MACROD2: variants seen among roughly 807,000 people sequenced by gnomAD.
MACROD2 encodes the protein mono-ADP ribosylhydrolase 2, also known as ADP-ribose glycohydrolase MACROD2.
Under a neutral mutation model 70.4 loss-of-function variants are expected in MACROD2, and 36 were observed. The ratio of observed to expected loss-of-function variants is 0.51; its 90% confidence interval spans 0.39 to 0.68. The LOEUF (loss-of-function observed/expected upper bound fraction) is 0.68, where lower values mean the gene tolerates loss of function less well. MACROD2 is among the 30% of genes least tolerant of loss of function. The pLI, the probability that MACROD2 is intolerant of heterozygous loss-of-function variation, is 0.00. For synonymous variants in MACROD2, 172 were observed against 178.8 expected, an observed-to-expected ratio of 0.96 and a Z score of 0.30; for missense variants, 496 against 538.4, an observed-to-expected ratio of 0.92 and a Z score of 0.78.
intron 5 of MACROD2, among the ~76,000 whole-genome samples, chr20:14,762,485 T>TATCA (rs1387507484): frequency 1.3e-5 from 2 of 152,192 alleles, no homozygotes; most frequent in African/African-American, 4.8e-5. Context: ...CCTACCCTGA[T>TATCA]GTCTTTTAAA....
At chr20:14,794,941 A>T (rs2072493910) in intron 5 of MACROD2, among the ~76,000 whole-genome samples, 2 of 152,126 alleles carry the variant, frequency 1.3e-5, no homozygotes, top group South Asian at 2.1e-4. Flanking sequence ...TCTTGAACAG[A>T]TGCTATTTAA....
chr20:14,857,106 C>T (rs1192704873), intron 5 of MACROD2, among the ~76,000 whole-genome samples: 2 of 152,158 alleles, frequency 1.3e-5, no homozygotes, highest in Non-Finnish European at 2.9e-5. Flanking sequence ...CAAGATTCAT[C>T]CAGTGGAATA....
intron 6 of MACROD2, among the ~76,000 whole-genome samples, chr20:15,417,904 G>A (rs978916350): frequency 1.2e-4 from 19 of 152,140 alleles, no homozygotes; most frequent in Non-Finnish European, 8.8e-5. Context: ...CACATAGAAC[G>A]GTTTTCACAC....
At chr20:14,376,751 AAATAATAATAAT>A (rs6147295) in intron 3 of MACROD2, among the ~76,000 whole-genome samples, 38,790 of 135,720 alleles carry the variant, frequency 0.29, 5,571 homozygotes, top group Admixed American at 0.35. Context: ...GCCTGTCTCA[AAATAATAATAAT>A]AATAATAATA....
At chr20:14,260,797 A>G (rs1307006005) in intron 3 of MACROD2, among the ~76,000 whole-genome samples, 1 of 152,254 alleles carries the variant, frequency 6.6e-6, no homozygotes, top group Non-Finnish European at 1.5e-5. Context: ...ATTAAATGAT[A>G]TATGTAAAGT....
chr20:15,544,358 G>T (rs2047999412), intron 8 of MACROD2, among the ~76,000 whole-genome samples: 1 of 152,202 alleles, frequency 6.6e-6, no homozygotes, highest in Non-Finnish European at 1.5e-5. Flanking sequence ...TCTGACAGTA[G>T]CAAGAATTTT....
intron 3 of MACROD2, among the ~76,000 whole-genome samples, chr20:14,417,262 A>G (rs1049196126): frequency 2.0e-5 from 3 of 152,206 alleles, no homozygotes; most frequent in Non-Finnish European, 4.4e-5. Flanking sequence ...TATTTATTCA[A>G]TACAAAAAGA....
intron 5 of MACROD2, among the ~76,000 whole-genome samples, chr20:15,145,415 TA>T (rs2076223283): frequency 6.6e-6 from 1 of 152,106 alleles, no homozygotes; most frequent in Non-Finnish European, 1.5e-5. Flanking sequence ...ATAATACAAA[TA>T]AAGGCCACTT....
chr20:14,065,080 AGT>A (rs1210034868), intron 2 of MACROD2, among the ~76,000 whole-genome samples: 1 of 152,238 alleles, frequency 6.6e-6, no homozygotes, highest in Non-Finnish European at 1.5e-5. Flanking sequence ...TCCTGAACTC[AGT>A]GTGTCAGTTC....
chr20:15,962,835 C>T (rs1030306431), intron 12 of MACROD2, among the ~76,000 whole-genome samples: 2 of 152,148 alleles, frequency 1.3e-5, no homozygotes, highest in Non-Finnish European at 2.9e-5. Context: ...GTCTGTGGGC[C>T]CTGTTACCTT....
chr20:14,057,240 A>G (rs1190231256), intron 2 of MACROD2, among the ~76,000 whole-genome samples: 1 of 152,208 alleles, frequency 6.6e-6, no homozygotes, highest in Non-Finnish European at 1.5e-5. Context: ...TAAACAGGAC[A>G]CACAACTCAC....
intron 3 of MACROD2, among the ~76,000 whole-genome samples, chr20:14,460,771 C>T (rs1355306147): frequency 6.6e-6 from 1 of 151,864 alleles, no homozygotes; most frequent in East Asian, 1.9e-4. Context: ...GGGATGAAGC[C>T]GACTTGATCA....
intron 5 of MACROD2, among the ~76,000 whole-genome samples, chr20:14,985,823 G>A (rs190671064): frequency 6.6e-6 from 1 of 151,676 alleles, no homozygotes; most frequent in Non-Finnish European, 1.5e-5. Flanking sequence ...GGCAGGGAAG[G>A]AAGGGAAGTC....
At chr20:15,084,076 T>TTGTTTTTTTGTG (rs2075727891) in intron 5 of MACROD2, among the ~76,000 whole-genome samples, 1 of 148,356 alleles carries the variant, frequency 6.7e-6, no homozygotes, top group African/African-American at 2.5e-5. Context: ...TTTTTTGTTT[T>TTGTTTTTTTGTG]TTTTTTTTAA....
intron 8 of MACROD2, among the ~76,000 whole-genome samples, chr20:15,647,722 A>ATTTTTT (rs34556344): frequency 7.0e-6 from 1 of 142,466 alleles, no homozygotes; most frequent in Non-Finnish European, 1.5e-5. Context: ...ACAATAGATG[A>ATTTTTT]TTTTTTTTTT....
intron 8 of MACROD2, among the ~76,000 whole-genome samples, chr20:15,650,902 C>G (rs2146795370): frequency 6.6e-6 from 1 of 152,268 alleles, no homozygotes; most frequent in South Asian, 2.1e-4. Flanking sequence ...CATCAGCACA[C>G]CTGACAATGA....
At position 14,412,496 on chromosome 20, in the gene MACROD2, G is replaced by T. The variant is rs1165946616; in HGVS notation, c.272-80983G>T. On this transcript the variant is annotated intron_variant, in intron 3 of 17. Transcript: ENST00000684519. ...ACCCTAGGAGCAGTTACAGACGTTA[G>T]GTGACAGAGTTGAATTTCAGAATCC... 2.0e-5 allele frequency among the ~76,000 whole-genome samples: 3 copies of T among 152,056 alleles called. No individual in the cohort carries two copies. The East Asian group carries it at 5.8e-4, about 29-fold the overall frequency.
chr20:15,591,074 T>A (rs2048673078), intron 8 of MACROD2, among the ~76,000 whole-genome samples: 1 of 152,102 alleles, frequency 6.6e-6, no homozygotes, highest in Non-Finnish European at 1.5e-5. Flanking sequence ...ATTGACTAAT[T>A]TGTTTAGTTG....
chr20:14,138,425 C>T (rs1014908689), intron 3 of MACROD2, among the ~76,000 whole-genome samples: 1 of 151,786 alleles, frequency 6.6e-6, no homozygotes, highest in African/African-American at 2.4e-5. Context: ...TATCATTCAG[C>T]CTTTAAAAAA....
Sources: gnomAD v4.1 joint callset for allele counts (sites outside exome capture counted in the v4.1 genomes callset) on GRCh38, gnomAD v4.1.1 for gene constraint, MANE v1.5 for transcripts, NCBI Gene and HGNC (gene_info 2026-07-23, HGNC 2026-07-21) for gene names.